Variants in TENM3 observed in about 807,000 individuals in gnomAD.
The protein encoded by TENM3 is teneurin-3.
A neutral mutation model predicts 255.1 loss-of-function variants in TENM3; 63 were observed. The ratio of observed to expected loss-of-function variants is 0.25; its 90% CI spans 0.20 to 0.30. The LOEUF (loss-of-function observed/expected upper bound fraction) is 0.30. TENM3 is among the 10% of genes least tolerant of loss of function. The pLI is 1.00. For synonymous variants in TENM3, 1,306 were observed against 1,322.3 expected, an observed-to-expected ratio of 0.99 and a Z score of 0.27; for missense variants, 2,929 against 3,461.1, an observed-to-expected ratio of 0.85 and a Z score of 3.86.
chr4:182,124,975 C>T, the TENM3 span, among the ~76,000 whole-genome samples: 2 of 129,826 alleles, frequency 1.5e-5, no homozygotes, highest in African/African-American at 5.9e-5. Flanking sequence ...TTCCCATTGC[C>T]CAGCGCATCC....
At chr4:182,265,170 T>C in intron 1 of TENM3, among the ~76,000 whole-genome samples, 1 of 152,186 alleles carries the variant, frequency 6.6e-6, no homozygotes, top group East Asian at 1.9e-4. Context: ...CATTGTGTTA[T>C]CTGACGTTTT....
At chr4:182,135,081 C>T in the TENM3 span, among the ~76,000 whole-genome samples, 1 of 151,652 alleles carries the variant, frequency 6.6e-6, no homozygotes, top group South Asian at 2.1e-4. Flanking sequence ...TGATGCGCGC[C>T]TGTAATCCCA....
chr4:182,297,258 G>A (rs1031136327), intron 1 of TENM3, among the ~76,000 whole-genome samples: 1 of 152,148 alleles, frequency 6.6e-6, no homozygotes, highest in African/African-American at 2.4e-5. Context: ...ATTATTCCAG[G>A]ATTCACTATG....
intron 3 of TENM3, among the ~76,000 whole-genome samples, chr4:182,566,264 T>TG (rs1479755901): frequency 3.3e-5 from 5 of 152,176 alleles, no homozygotes; most frequent in Non-Finnish European, 7.3e-5. Flanking sequence ...AAAATGAACT[T>TG]ATTTCCTCTT....
chr4:182,140,115 C>T (rs1227336485), upstream of TENM3, among the ~76,000 whole-genome samples: 3 of 152,192 alleles, frequency 2.0e-5, no homozygotes, highest in South Asian at 2.1e-4. Flanking sequence ...GAAAACCCCA[C>T]CCAATAATAA....
chr4:182,123,265 C>T, the TENM3 span, among the ~76,000 whole-genome samples: 342 of 152,234 alleles, frequency 2.2e-3, no homozygotes, highest in African/African-American at 7.7e-3. Context: ...CATGAGTTTT[C>T]ACTGGAGTCG....
chr4:182,491,468 A>G (rs111965996), intron 3 of TENM3, among the ~76,000 whole-genome samples: 1,925 of 152,144 alleles, frequency 0.013, 38 homozygotes, highest in African/African-American at 0.045. Flanking sequence ...GTTTTTGATT[A>G]ATTTATATAA....
chr4:182,702,478 A>C (rs1292118902), intron 12 of TENM3, among the ~76,000 whole-genome samples: 3 of 152,124 alleles, frequency 2.0e-5, no homozygotes, highest in Non-Finnish European at 4.4e-5. Flanking sequence ...CAGCTCCCTC[A>C]TGAGTTTGTC....
At chr4:182,537,283 C>T (rs1433940777) in intron 3 of TENM3, among the ~76,000 whole-genome samples, 1 of 151,954 alleles carries the variant, frequency 6.6e-6, no homozygotes, top group Admixed American at 6.6e-5. Context: ...CTCCTGCAGT[C>T]ATTTCATCAT....
chr4:181,546,569 C>A, the TENM3 span, among the ~76,000 whole-genome samples: 1 of 135,028 alleles, frequency 7.4e-6, no homozygotes, highest in African/African-American at 2.6e-5. Flanking sequence ...CAAAAATTAG[C>A]CGGGCGTGGT....
intron 5 of TENM3, among the ~76,000 whole-genome samples, chr4:182,639,291 A>G (rs924812203): frequency 6.6e-6 from 1 of 152,310 alleles, no homozygotes; most frequent in Admixed American, 6.5e-5. Flanking sequence ...CTTAATAACT[A>G]TGTAATCTTG....
chr4:181,485,160 A>G, the TENM3 span, among the ~76,000 whole-genome samples: 5 of 152,166 alleles, frequency 3.3e-5, no homozygotes, highest in African/African-American at 9.6e-5. Flanking sequence ...GTGATTTTAA[A>G]CGGTAGTCAC....
chr4:181,857,922 T>C, the TENM3 span, among the ~76,000 whole-genome samples: 10 of 152,290 alleles, frequency 6.6e-5, 1 homozygote, highest in South Asian at 6.2e-4. Context: ...TGTGGAGCAG[T>C]GAGTCCTGCT....
intron 1 of TENM3, among the ~76,000 whole-genome samples, chr4:182,196,233 G>A (rs961147085): frequency 2.0e-5 from 3 of 152,046 alleles, no homozygotes; most frequent in Non-Finnish European, 2.9e-5. Context: ...AGTCTCTTCC[G>A]CTTGAAGATC....
chr4:181,719,074 C>T, the TENM3 span, among the ~76,000 whole-genome samples: 2 of 151,182 alleles, frequency 1.3e-5, no homozygotes, highest in Non-Finnish European at 1.5e-5. Context: ...GGCGCGGTGG[C>T]GGGCGCCTGT....
At chr4:182,471,267 T>A (rs1163107644) in intron 3 of TENM3, among the ~76,000 whole-genome samples, 1 of 152,214 alleles carries the variant, frequency 6.6e-6, no homozygotes, top group East Asian at 1.9e-4. Context: ...CACTATGAAT[T>A]GTGTGTGTAT....
rs1239216759 is a variant in TENM3, at chr4:182,773,403, ATTATAT to A, written c.4893-63_4893-58del. ...ATTTGTGCAACTAATATTGCTACAC[ATTATAT>A]TTATAAGTCAGAAGAAACTGCAGTT... is the stretch of plus-strand genomic sequence containing the variant. On this transcript the variant is annotated intron_variant, in intron 22 of 27. Transcript: ENST00000511685. 3.2e-5 allele frequency: 45 copies of A among 1,394,272 alleles called. No individual in the cohort carries two copies. In the Middle Eastern group the frequency reaches 5.6e-4, roughly 17 times the overall value. The allele number at this position is 1,394,272 out of a possible 1,614,324, so 86.4% of individuals were successfully genotyped here.
At chr4:181,796,175 G>A in the TENM3 span, among the ~76,000 whole-genome samples, 2 of 152,136 alleles carry the variant, frequency 1.3e-5, no homozygotes, top group African/African-American at 2.4e-5. Context: ...AAATATAACA[G>A]TTCAAACTTC....
the TENM3 span, among the ~76,000 whole-genome samples, chr4:181,787,097 A>C: frequency 2.6e-5 from 4 of 152,204 alleles, no homozygotes; most frequent in African/African-American, 4.8e-5. Flanking sequence ...GGTTTTAAGA[A>C]AAACCTTAAT....
Sources: allele counts gnomAD v4.1 joint callset (sites outside exome capture counted in the v4.1 genomes callset), GRCh38; gene constraint gnomAD v4.1.1; transcripts MANE v1.5; gene names NCBI Gene and HGNC (gene_info 2026-07-23, HGNC 2026-07-21).